Variants in CIMIP5 observed in about 807,000 individuals in gnomAD.
The protein encoded by CIMIP5 is uncharacterized protein C2orf50.
the CIMIP5 span, chr2:11,146,593 A>G: frequency 2.0e-5 from 3 of 152,234 alleles, no homozygotes; most frequent in Non-Finnish European, 4.4e-5. Context: ...GTTTCATGCC[A>G]TACCCTGGCC....
the CIMIP5 span, among the ~76,000 whole-genome samples, chr2:11,140,086 CAAAAAAAAAA>C: frequency 9.3e-4 from 79 of 84,774 alleles, 1 homozygote; most frequent in Admixed American, 1.9e-3. Context: ...GACTCCCTCT[CAAAAAAAAAA>C]AAAAAAAAAG....
chr2:11,143,955 T>C, the CIMIP5 span: 8 of 1,602,626 alleles, frequency 5.0e-6, no homozygotes, highest in East Asian at 6.7e-5. Context: ...TGCCAGACCA[T>C]GTGCCTCTCT....
At chr2:11,142,338 G>A in the CIMIP5 span, among the ~76,000 whole-genome samples, 3 of 151,976 alleles carry the variant, frequency 2.0e-5, no homozygotes, top group Non-Finnish European at 2.9e-5. Flanking sequence ...AGTCACTCGA[G>A]GGGGTGGCCA....
the CIMIP5 span, among the ~76,000 whole-genome samples, chr2:11,137,587 G>A: frequency 6.6e-6 from 1 of 152,308 alleles, no homozygotes; most frequent in South Asian, 2.1e-4. Context: ...GAGAGAATGG[G>A]AGAGAGAATG....
the CIMIP5 span, among the ~76,000 whole-genome samples, chr2:11,140,874 A>G: frequency 6.6e-6 from 1 of 152,134 alleles, no homozygotes; most frequent in African/African-American, 2.4e-5. Context: ...CGTGCCCGAG[A>G]AGGACAATGA....
At chr2:11,151,699 G>C in the CIMIP5 span, among the ~76,000 whole-genome samples, 3 of 152,224 alleles carry the variant, frequency 2.0e-5, no homozygotes, top group African/African-American at 7.2e-5. Context: ...GCAGTGGCAC[G>C]ATCTCGGCCC....
At chr2:11,151,092 G>T in the CIMIP5 span, among the ~76,000 whole-genome samples, 1 of 152,176 alleles carries the variant, frequency 6.6e-6, no homozygotes, top group Non-Finnish European at 1.5e-5. Flanking sequence ...CTGAAAGGCT[G>T]ATCAAGGACT....
chr2:11,153,095 A>T, the CIMIP5 span, among the ~76,000 whole-genome samples: 1 of 152,214 alleles, frequency 6.6e-6, no homozygotes, highest in Non-Finnish European at 1.5e-5. Flanking sequence ...GTAGGGGCCA[A>T]TGCTAGGAGG....
the CIMIP5 span, among the ~76,000 whole-genome samples, chr2:11,142,713 A>ATTTTTTTTTTTTTTTTTTTTTTTTTTTT: frequency 9.6e-6 from 1 of 104,140 alleles, no homozygotes. Context: ...CACTTGTCAG[A>ATTTTTTTTTTTTTTTTTTTTTTTTTTTT]TTTTTTTTTT....
the CIMIP5 span, among the ~76,000 whole-genome samples, chr2:11,137,897 G>C: frequency 1.3e-5 from 2 of 152,200 alleles, no homozygotes; most frequent in African/African-American, 4.8e-5. Context: ...CCAGGCTGGA[G>C]TGCAGTGGTG....
At chr2:11,136,719 T>C in the CIMIP5 span, among the ~76,000 whole-genome samples, 3 of 152,148 alleles carry the variant, frequency 2.0e-5, no homozygotes, top group Non-Finnish European at 2.9e-5. Flanking sequence ...ATATTAAAAG[T>C]CATTTAATTG....
chr2:11,149,745 A>T, the CIMIP5 span, among the ~76,000 whole-genome samples: 28 of 152,142 alleles, frequency 1.8e-4, 1 homozygote, highest in South Asian at 3.1e-3. Context: ...AAATAAAAAT[A>T]AAAAAAGTCA....
At chr2:11,153,578 G>A in the CIMIP5 span, among the ~76,000 whole-genome samples, 1 of 152,250 alleles carries the variant, frequency 6.6e-6, no homozygotes, top group Non-Finnish European at 1.5e-5. Context: ...CATGATGAAA[G>A]TAAAACACCT....
the CIMIP5 span, among the ~76,000 whole-genome samples, chr2:11,138,985 T>A: frequency 6.6e-6 from 1 of 152,180 alleles, no homozygotes; most frequent in Non-Finnish European, 1.5e-5. Flanking sequence ...TGGCTTGATC[T>A]CTGCTCACTG....
At chr2:11,141,000 C>T in the CIMIP5 span, among the ~76,000 whole-genome samples, 1 of 152,136 alleles carries the variant, frequency 6.6e-6, no homozygotes, top group East Asian at 1.9e-4. Context: ...GGCCATGTAG[C>T]TCCCCTGATT....
the CIMIP5 span, among the ~76,000 whole-genome samples, chr2:11,142,241 G>C: frequency 1.4e-5 from 2 of 146,814 alleles, no homozygotes; most frequent in African/African-American, 5.2e-5. Context: ...ACTCCAGCCT[G>C]GGCAACAAGA....
chr2:11,140,086 C>CAAAAAAAAAAAAAAAAAA, the CIMIP5 span, among the ~76,000 whole-genome samples: 31 of 84,770 alleles, frequency 3.7e-4, 1 homozygote, highest in African/African-American at 1.0e-3. Flanking sequence ...GACTCCCTCT[C>CAAAAAAAAAAAAAAAAAA]AAAAAAAAAA....
chr2:11,137,237 G>A, the CIMIP5 span, among the ~76,000 whole-genome samples: 1 of 152,126 alleles, frequency 6.6e-6, no homozygotes. Flanking sequence ...GCCAGGCATG[G>A]TAGTGTGCAC....
chr2:11,144,613 CAT>C, the CIMIP5 span: 1 of 152,286 alleles, frequency 6.6e-6, no homozygotes, highest in African/African-American at 2.4e-5. Context: ...ACATGGGTGA[CAT>C]GTTGCAGAGC....
Sources: gnomAD v4.1 joint callset for allele counts (sites outside exome capture counted in the v4.1 genomes callset) on GRCh38, gnomAD v4.1.1 for gene constraint, MANE v1.5 for transcripts, NCBI Gene and HGNC (gene_info 2026-07-23, HGNC 2026-07-21) for gene names.